The following TRIM9 variants were observed in gnomAD, a reference collection of about 807,000 sequenced individuals.
TRIM9 encodes tripartite motif containing 9, also known as E3 ubiquitin-protein ligase TRIM9.
Under a neutral mutation model 78.3 loss-of-function variants are expected in TRIM9, and 26 were observed. That is an observed-to-expected ratio of 0.33 (90% CI 0.24 to 0.46). The LOEUF (loss-of-function observed/expected upper bound fraction) is 0.46. TRIM9 is among the 20% of genes least tolerant of loss of function. The probability of loss-of-function intolerance (pLI) is 1.00; values close to 1 mark genes in which losing one functional copy is unlikely to be tolerated. For synonymous variants in TRIM9, 398 were observed against 416.5 expected (o/e 0.96, Z 0.54); for missense variants, 787 against 1,036.4 (o/e 0.76, Z 3.30).
chr14:51,055,249 C>T (rs769848772), intron 1 of TRIM9, among the ~76,000 whole-genome samples: 1 of 152,114 alleles, frequency 6.6e-6, no homozygotes. Flanking sequence ...AATAAAAGCA[C>T]GGCCAATTGA....
At position 51,025,335 on chromosome 14, in the gene TRIM9, C is replaced by T; in HGVS notation, c.848G>A (p.Gly283Glu). Residue 283 changes from glycine to glutamate, a missense_variant, in exon 2 of 13, where the codon GGA (glycine) becomes GAA (glutamate). By Grantham distance (98) the Gly-to-Glu change is moderately conservative (BLOSUM62 -2). This residue lies in a region of TRIM9 where 352 missense variants were observed against 472.3 expected (regional missense o/e 0.75). Coordinates refer to ENST00000684578, the MANE Select transcript of TRIM9 (RefSeq NM_001387360.1). ...HKSQLSQALN[G>E]LSDRAKEAKE... ...GGCTTCTTTGGCCCTGTCTGACAGT[C>T]CGTTCAGCGCCTGGGAGAGCTGGCT... 6.2e-7 allele frequency: 1 copy of T among 1,614,108 alleles called. No homozygotes were observed. The highest frequency in any genetic ancestry group is 8.5e-7 in the Non-Finnish European group (1 of 1,180,022).
chr14:50,987,642 G>A (rs1332549624), intron 7 of TRIM9, among the ~76,000 whole-genome samples: 2 of 151,972 alleles, frequency 1.3e-5, no homozygotes, highest in African/African-American at 4.8e-5. Context: ...AAAATTATTT[G>A]TTATAATCAT....
Position 51,064,560 on chromosome 14 carries a change from G to C in TRIM9, c.822+29558C>G, listed in dbSNP as rs181352013. Among the ~76,000 whole-genome samples the C allele has an allele frequency of 3.5e-3, 529 of 151,914 alleles. 6 individuals carry two copies. Among genetic ancestry groups the C allele is most frequent in the Admixed American group, 0.012 (184 of 15,246 alleles). On this transcript the variant is annotated intron_variant, in intron 1 of 12. Transcript: ENST00000684578. ...ATAAAGACTAGAAATCAATGAAATTGAGAATAACAGAAATATTTCAAAGTT... is the reference window on the plus strand; with the variant it reads ...ATAAAGACTAGAAATCAATGAAATTCAGAATAACAGAAATATTTCAAAGTT...
chr14:51,031,162 A>G (rs1475095126), intron 1 of TRIM9, among the ~76,000 whole-genome samples: 3 of 150,448 alleles, frequency 2.0e-5, no homozygotes, highest in Non-Finnish European at 4.4e-5. Context: ...AAAAAAAAAA[A>G]AAAGAAAGAA....
chr14:51,066,072 GGAAGGAAGGAA>G (rs2061703196), intron 1 of TRIM9, among the ~76,000 whole-genome samples: 3 of 128,110 alleles, frequency 2.3e-5, no homozygotes, highest in Non-Finnish European at 3.3e-5. Context: ...AAGGAAGGAA[GGAAGGAAGGAA>G]GGAAGGAGGG....
At chr14:51,037,744 T>A (rs2059272576) in intron 1 of TRIM9, among the ~76,000 whole-genome samples, 1 of 152,032 alleles carries the variant, frequency 6.6e-6, no homozygotes, top group South Asian at 2.1e-4. Context: ...TGAAAGCAAC[T>A]CCTGTATCTA....
intron 1 of TRIM9, among the ~76,000 whole-genome samples, chr14:51,070,516 A>ATT (rs199920531): frequency 0.049 from 7,035 of 144,248 alleles, 532 homozygotes; most frequent in African/African-American, 0.17. Context: ...AGTGTTTCAG[A>ATT]TTTTTTTTTT....
intron 1 of TRIM9, among the ~76,000 whole-genome samples, chr14:51,081,001 T>C (rs1266445293): frequency 6.6e-6 from 1 of 152,258 alleles, no homozygotes; most frequent in Non-Finnish European, 1.5e-5. Flanking sequence ...TAGGTCGTGA[T>C]AGGCCAGTCT....
chr14:51,079,127 C>G (rs1388578489), intron 1 of TRIM9, among the ~76,000 whole-genome samples: 1 of 152,154 alleles, frequency 6.6e-6, no homozygotes, highest in African/African-American at 2.4e-5. Context: ...ATAATAGACA[C>G]TAATCCAAAA....
At chr14:51,030,347 C>T (rs1222756888) in intron 1 of TRIM9, among the ~76,000 whole-genome samples, 1 of 152,188 alleles carries the variant, frequency 6.6e-6, no homozygotes, top group African/African-American at 2.4e-5. Context: ...AGAATGGATC[C>T]CTTCTCCGGT....
chr14:51,024,553 G>T (rs955762500), intron 2 of TRIM9, among the ~76,000 whole-genome samples: 1 of 152,148 alleles, frequency 6.6e-6, no homozygotes, highest in Non-Finnish European at 1.5e-5. Flanking sequence ...AGTACAGAAG[G>T]TCATTATTTT....
rs540822698 is a variant in TRIM9, at chr14:51,029,064, C to T, written c.823-3704G>A. Among the ~76,000 whole-genome samples, 87 of 152,262 alleles carry T rather than the reference C, an allele frequency of 5.7e-4. 1 individual carries two copies. The highest frequency in any genetic ancestry group is 2.0e-3 in the African/African-American group (84 of 41,558). On this transcript the variant is annotated intron_variant, in intron 1 of 12. Transcript: ENST00000684578. The stretch of plus-strand genomic sequence containing the variant: ...TCAATCCATCCCGCCCAATGCCTGA[C>T]TTGCCCAAGCTGCTGAGTGTGCCCA...
intron 7 of TRIM9, chr14:50,996,623 C>T (rs1348608217): frequency 1.0e-6 from 1 of 985,320 alleles, no homozygotes; most frequent in African/African-American, 1.7e-5. Context: ...GAGGCCATCA[C>T]CAGCAAGGGC....
intron 7 of TRIM9, among the ~76,000 whole-genome samples, chr14:50,990,599 T>C (rs1003319037): frequency 5.9e-5 from 9 of 152,198 alleles, no homozygotes; most frequent in African/African-American, 1.9e-4. Context: ...TTTTGGAATC[T>C]AAAGAGGAAA....
In TRIM9 at chr14:50,979,537, C is replaced by G. The variant is rs765368382; in HGVS notation, c.2175G>C (p.Gly725=). The G allele has an allele frequency of 1.9e-6, 3 of 1,613,750 alleles. No individual in the cohort carries two copies. The Admixed American group carries it at 5.0e-5, about 27-fold the overall frequency. Residue 725 remains glycine, a synonymous_variant, in exon 12 of 13, where the codon GGG becomes GGC. Transcript: ENST00000684578. The part of the protein sequence containing the change: ...NNSHTNRTEG[G]ITKGATIGVL... Reference sequence around the variant, plus strand: ...CCCCAATTGTGGCCCCTTTTGTGATCCCTCCCTCAGTTCTGTAGGAAAAGA... The same window carrying G: ...CCCCAATTGTGGCCCCTTTTGTGATGCCTCCCTCAGTTCTGTAGGAAAAGA...
At chr14:51,035,424 T>C (rs1208639539) in intron 1 of TRIM9, among the ~76,000 whole-genome samples, 2 of 152,246 alleles carry the variant, frequency 1.3e-5, no homozygotes. Flanking sequence ...ATCATTTTTA[T>C]ATGAAAAATA....
chr14:50,997,183 G>C, intron 7 of TRIM9: 1 of 985,324 alleles, frequency 1.0e-6, no homozygotes, highest in Non-Finnish European at 1.2e-6. Context: ...CTCCTTGTAG[G>C]TTTAATTTCA....
intron 1 of TRIM9, among the ~76,000 whole-genome samples, chr14:51,093,392 T>C (rs1241588306): frequency 1.3e-5 from 2 of 152,200 alleles, no homozygotes; most frequent in Admixed American, 1.3e-4. Flanking sequence ...CTGTCTGGCT[T>C]CCAGGCCGCG....
intron 12 of TRIM9, among the ~76,000 whole-genome samples, chr14:50,978,289 C>A (rs1464759532): frequency 2.6e-5 from 4 of 152,336 alleles, no homozygotes; most frequent in African/African-American, 7.2e-5. Context: ...TATCTCAAGA[C>A]AACCATTTGT....
Sources: gnomAD v4.1 joint callset for allele counts (sites outside exome capture counted in the v4.1 genomes callset) on GRCh38, gnomAD v4.1.1 for gene constraint, gnomAD v4.1.1 regional missense constraint, MANE v1.5 for transcripts, NCBI Gene and HGNC (gene_info 2026-07-23, HGNC 2026-07-21) for gene names.